Variants in TRIML1 observed in about 807,000 individuals in gnomAD.
The protein encoded by TRIML1 is probable E3 ubiquitin-protein ligase TRIML1.
A neutral mutation model predicts 32.3 loss-of-function variants in TRIML1; 34 were observed. The ratio of observed to expected loss-of-function variants is 1.05; its 90% CI spans 0.80 to 1.40. The LOEUF (loss-of-function observed/expected upper bound fraction) is 1.40, where lower values mean the gene tolerates loss of function less well. TRIML1 is among the 40% of genes most tolerant of loss of function. The probability of loss-of-function intolerance (pLI) is 0.00; values close to 1 mark genes in which losing one functional copy is unlikely to be tolerated. For missense variants in TRIML1, 595 were observed against 574.9 expected, an observed-to-expected ratio of 1.03 and a Z score of -0.36; for synonymous variants, 244 against 226.6, an observed-to-expected ratio of 1.08 and a Z score of -0.69.
In TRIML1 at chr4:188,147,004, G is replaced by T; in HGVS notation, c.1039G>T (p.Val347Leu). Residue 347 changes from valine (V) to leucine (L), a missense_variant, in exon 6 of 6, where the codon GTG (valine) becomes TTG (leucine). Coordinates refer to ENST00000332517, the MANE Select transcript of TRIML1 (RefSeq NM_178556.5). ...TSGRHYWEVE[V>L]GNKTEWEVGI... Reference sequence around the variant, plus strand: ...TGGGAGACACTACTGGGAGGTGGAGGTGGGAAACAAGACCGAGTGGGAAGT... The same window carrying T: ...TGGGAGACACTACTGGGAGGTGGAGTTGGGAAACAAGACCGAGTGGGAAGT... The T allele has an allele frequency of 6.3e-7, 1 of 1,594,636 alleles. No individual in the cohort carries two copies. The highest frequency in any genetic ancestry group is 8.5e-7 in the Non-Finnish European group (1 of 1,169,622).
At chr4:188,144,421 G>C (rs1734982737) in intron 5 of TRIML1, among the ~76,000 whole-genome samples, 1 of 150,546 alleles carries the variant, frequency 6.6e-6, no homozygotes, top group Non-Finnish European at 1.5e-5. Context: ...GGAGCGCAGG[G>C]GCGCGATCTC....
At chr4:188,149,087 GTA>G (rs1234887354), downstream of TRIML1, among the ~76,000 whole-genome samples, 1 of 150,302 alleles carries the variant, frequency 6.7e-6, no homozygotes, top group Non-Finnish European at 1.5e-5. Flanking sequence ...CTAAGTTTTT[GTA>G]TTTTTTTTTT....
Position 188,139,450 on chromosome 4 carries a change from A to G in TRIML1, c.-109A>G, listed in dbSNP as rs562983369. On this transcript the variant is annotated 5_prime_UTR_variant, in exon 1 of 6. Coordinates refer to ENST00000332517, the MANE Select transcript of TRIML1 (RefSeq NM_178556.5). ...GAGATAAGGGTTTCTTGTCATAACA[A>G]CATAGGAACAGGTCACCCGCGTGTT... 4.5e-5 allele frequency: 50 copies of G among 1,104,014 alleles called. No homozygotes were observed. The highest frequency in any genetic ancestry group is 6.4e-5 in the Non-Finnish European group (49 of 771,462). The allele number at this position is 1,104,014 out of a possible 1,614,324, so 68.4% of individuals were successfully genotyped here. A position where few individuals can be genotyped will look rare whatever the true frequency, so the allele number is the denominator to read the frequency against.
downstream of TRIML1, among the ~76,000 whole-genome samples, chr4:188,149,631 T>C (rs1735199334): frequency 1.3e-5 from 2 of 152,026 alleles, no homozygotes; most frequent in African/African-American, 4.8e-5. Flanking sequence ...GGCTCAAGAG[T>C]CTGGGAAATG....
At chr4:188,146,229 C>A (rs1560974220) in intron 5 of TRIML1, among the ~76,000 whole-genome samples, 1 of 152,156 alleles carries the variant, frequency 6.6e-6, no homozygotes, top group Admixed American at 6.5e-5. Flanking sequence ...ACGCACAGCT[C>A]GGAGCTCTAA....
Position 188,142,435 on chromosome 4 carries a change from G to A in TRIML1, c.688G>A (p.Ala230Thr), listed in dbSNP as rs138401785. Reference protein sequence around the residue: ...QQIRSLSKMIAQIESSSQSSA... With the variant: ...QQIRSLSKMITQIESSSQSSA... ...AATCAGAAGCCTAAGCAAAATGATC[G>A]CACAGATTGAGTCCTCAAGTCAAAG... Residue 230 changes from alanine (A) to threonine (T), a missense_variant, in exon 3 of 6, where the codon GCA (alanine) becomes ACA (threonine). Transcript: ENST00000332517. 1,746 of 1,613,814 alleles carry A rather than the reference G, an allele frequency of 1.1e-3. 26 individuals carry two copies. In the African/African-American group the frequency reaches 0.021, roughly 20 times the overall value.
At chr4:188,142,710 G>A (rs1283358945) in intron 3 of TRIML1, among the ~76,000 whole-genome samples, 6 of 150,818 alleles carry the variant, frequency 4.0e-5, no homozygotes, top group Non-Finnish European at 8.9e-5. Context: ...AAGCCTGAGA[G>A]TGGCTTCAAT....
chr4:188,141,220 T>C (rs1734843129), intron 2 of TRIML1, among the ~76,000 whole-genome samples: 1 of 141,944 alleles, frequency 7.0e-6, no homozygotes, highest in Non-Finnish European at 1.5e-5. Flanking sequence ...CAGGCTGGAG[T>C]GCAGTGGCGC....
At chr4:188,149,296 T>C (rs968625526), downstream of TRIML1, among the ~76,000 whole-genome samples, 2 of 151,952 alleles carry the variant, frequency 1.3e-5, no homozygotes, top group African/African-American at 4.8e-5. Flanking sequence ...TCCCTTTACC[T>C]CCTCTCATCT....
chr4:188,143,178 C>A (rs948153730), intron 3 of TRIML1: 1 of 152,562 alleles, frequency 6.6e-6, no homozygotes, highest in Non-Finnish European at 1.5e-5. Context: ...GCCTCAGCCT[C>A]CCAAGTAGCT....
chr4:188,149,272 G>A (rs556250183), downstream of TRIML1, among the ~76,000 whole-genome samples: 2 of 152,008 alleles, frequency 1.3e-5, no homozygotes, highest in Non-Finnish European at 2.9e-5. Flanking sequence ...GAATGTCCCC[G>A]GTCACAGAGG....
At chr4:188,140,387 G>C (rs1734807765) in intron 1 of TRIML1, 141 bp from the exon 2 acceptor site, 2 of 633,694 alleles carry the variant, frequency 3.2e-6, no homozygotes, top group Non-Finnish European at 5.5e-6. Flanking sequence ...CTCCCAAAGT[G>C]CTGGGATTAC....
At position 188,147,255 on chromosome 4, in the gene TRIML1, C is replaced by T; in HGVS notation, c.1290C>T (p.Tyr430=). 1 of 1,592,798 alleles carries T rather than the reference C, an allele frequency of 6.3e-7. No homozygotes were observed. Among genetic ancestry groups the T allele is most frequent in the Non-Finnish European group, 8.6e-7 (1 of 1,169,512 alleles). ...ACGGGACGGATGAATCCCTCATCTA[C>T]AGCTTCCCGCAGGCTTCTTTCCAAG... ...FYNGTDESLI[Y]SFPQASFQEA... Residue 430 remains tyrosine, a synonymous_variant, in exon 6 of 6, where the codon TAC becomes TAT. Coordinates refer to ENST00000332517, the MANE Select transcript of TRIML1 (RefSeq NM_178556.5).
At chr4:188,144,571 C>T (rs1203117530) in intron 5 of TRIML1, among the ~76,000 whole-genome samples, 1 of 148,064 alleles carries the variant, frequency 6.8e-6, no homozygotes, top group Non-Finnish European at 1.5e-5. Context: ...ACTGTGTTAG[C>T]CAGGATGGTC....
chr4:188,149,212 C>T (rs1307115799), downstream of TRIML1, among the ~76,000 whole-genome samples: 1 of 152,052 alleles, frequency 6.6e-6, no homozygotes, highest in African/African-American at 2.4e-5. Context: ...AGCCCCCGCG[C>T]CTGGCCCAGC....
downstream of TRIML1, among the ~76,000 whole-genome samples, chr4:188,149,842 C>T (rs995332101): frequency 1.3e-5 from 2 of 152,104 alleles, no homozygotes; most frequent in African/African-American, 4.8e-5. Flanking sequence ...CTGGCTCTCT[C>T]GCCAGGCTGG....
chr4:188,141,613 A>T (rs1734855794), intron 2 of TRIML1, among the ~76,000 whole-genome samples: 1 of 152,058 alleles, frequency 6.6e-6, no homozygotes, highest in South Asian at 2.1e-4. Context: ...TTTTATTTGT[A>T]TCATAGTCCT....
intron 2 of TRIML1, among the ~76,000 whole-genome samples, chr4:188,141,256 C>T (rs1734844748): frequency 6.6e-6 from 1 of 150,722 alleles, no homozygotes; most frequent in African/African-American, 2.4e-5. Context: ...CAACCTCCAC[C>T]TCCCGGGTTC....
At position 188,139,526 on chromosome 4, in the gene TRIML1, G is replaced by A; in HGVS notation, c.-33G>A. 1.3e-6 allele frequency: 2 copies of A among 1,544,908 alleles called. No individual in the cohort carries two copies. The highest frequency in any genetic ancestry group is 1.7e-6 in the Non-Finnish European group (2 of 1,143,344). ...GGGCTTTGCTAATCCCAGAACAGAG[G>A]TGTAACCTGGCTGCATATCCAGCCT... On this transcript the variant is annotated 5_prime_UTR_variant, in exon 1 of 6. In the 5' UTR this introduces an upstream ATG that the reference lacks. Transcript: ENST00000332517.
Sources: allele counts gnomAD v4.1 joint callset (sites outside exome capture counted in the v4.1 genomes callset), GRCh38; gene constraint gnomAD v4.1.1; transcripts MANE v1.5; gene names NCBI Gene and HGNC (gene_info 2026-07-23, HGNC 2026-07-21).